EYS: variants seen among roughly 807,000 people sequenced by gnomAD.
The protein encoded by EYS is EGF-like photoreceptor maintenance factor.
Under a neutral mutation model 282.1 loss-of-function variants are expected in EYS, and 250 were observed. The observed-to-expected ratio is 0.89, with a 90% confidence interval of 0.80 to 0.98. The LOEUF (loss-of-function observed/expected upper bound fraction) is 0.98, where lower values mean the gene tolerates loss of function less well. Among genes scored for constraint, EYS ranks in the 50% least tolerant of loss-of-function variants. EYS has a pLI of 0.00. For synonymous variants in EYS, 1,355 were observed against 1,282.9 expected, an observed-to-expected ratio of 1.06 and a Z score of -1.20; for missense variants, 4,016 against 3,709.0, an observed-to-expected ratio of 1.08 and a Z score of -2.15.
At chr6:64,386,180 G>T (rs1772902716) in intron 29 of EYS, among the ~76,000 whole-genome samples, 1 of 152,154 alleles carries the variant, frequency 6.6e-6, no homozygotes, top group African/African-American at 2.4e-5. Flanking sequence ...AGGACTGATG[G>T]ATTAGTGGTG....
intron 31 of EYS, among the ~76,000 whole-genome samples, chr6:64,204,889 A>C (rs183559640): frequency 3.6e-4 from 55 of 152,192 alleles, no homozygotes; most frequent in Non-Finnish European, 7.4e-4. Context: ...CATAATATGC[A>C]CACTACAGTG....
At chr6:64,824,922 G>A (rs912014412) in intron 19 of EYS, among the ~76,000 whole-genome samples, 18 of 151,932 alleles carry the variant, frequency 1.2e-4, no homozygotes, top group Admixed American at 5.3e-4. Context: ...GATAAGAATG[G>A]AATAACTAGC....
chr6:65,187,159 A>G (rs2150237185), intron 12 of EYS, among the ~76,000 whole-genome samples: 1 of 151,854 alleles, frequency 6.6e-6, no homozygotes, highest in South Asian at 2.1e-4. Flanking sequence ...TATTCTAGGC[A>G]CACACAACAT....
At chr6:64,864,390 T>C (rs893252075) in intron 19 of EYS, among the ~76,000 whole-genome samples, 2 of 120,696 alleles carry the variant, frequency 1.7e-5, no homozygotes, top group African/African-American at 6.0e-5. Flanking sequence ...ACCTTCTTTT[T>C]TTTTTTTTTT....
rs1172998899 is a variant in EYS at position 64,638,763 on chromosome 6, T to C, written c.3444-12518A>G. Among the ~76,000 whole-genome samples, 2 of 90,794 alleles carry C rather than the reference T, an allele frequency of 2.2e-5. 1 individual carries two copies. Among genetic ancestry groups the C allele is most frequent in the African/African-American group, 8.6e-5 (2 of 23,374 alleles). 59.6% of individuals were successfully genotyped at this position (90,794 alleles called of 152,430 possible). A position where few individuals can be genotyped will look rare whatever the true frequency, so the allele number is the denominator to read the frequency against. ...TTCTCTGACTATCTTTTCCTCTGGG[T>C]TTTTTGAGGGTGTTAAGAACATGGT... On this transcript the variant is annotated intron_variant, in intron 22 of 42. Coordinates refer to ENST00000503581, the MANE Select transcript of EYS (RefSeq NM_001142800.2).
chr6:64,377,064 G>A (rs1363713144), intron 29 of EYS, among the ~76,000 whole-genome samples: 1 of 151,880 alleles, frequency 6.6e-6, no homozygotes. Context: ...GGCACATAGT[G>A]GATACTCTCT....
intron 28 of EYS, among the ~76,000 whole-genome samples, chr6:64,416,679 A>T (rs1774068336): frequency 6.6e-6 from 1 of 152,026 alleles, no homozygotes; most frequent in Admixed American, 6.6e-5. Flanking sequence ...GTTTAACTTT[A>T]TTTCTGCATT....
chr6:64,022,224 G>C (rs1215911446), intron 33 of EYS, among the ~76,000 whole-genome samples: 1 of 152,196 alleles, frequency 6.6e-6, no homozygotes, highest in East Asian at 1.9e-4. Context: ...CATATATAAA[G>C]GAGTTTGGAT....
At chr6:63,732,093 A>AGTTTG (rs1768796665) in intron 41 of EYS, among the ~76,000 whole-genome samples, 1 of 151,884 alleles carries the variant, frequency 6.6e-6, no homozygotes, top group Non-Finnish European at 1.5e-5. Context: ...TATTGCTGAT[A>AGTTTG]CTGGGTCAGT....
At chr6:65,253,306 C>T (rs1767374559) in intron 12 of EYS, among the ~76,000 whole-genome samples, 1 of 151,832 alleles carries the variant, frequency 6.6e-6, no homozygotes, top group African/African-American at 2.4e-5. Context: ...TTTTCTTATT[C>T]TTCTTCATTA....
intron 1 of EYS, among the ~76,000 whole-genome samples, chr6:65,693,404 C>CTTT (rs66464915): frequency 1.6e-5 from 2 of 125,278 alleles, no homozygotes; most frequent in African/African-American, 2.9e-5. Context: ...TTTTTCCTTT[C>CTTT]TTTTTTTTTT....
At chr6:65,158,072 G>A (rs572344880) in intron 12 of EYS, among the ~76,000 whole-genome samples, 1 of 150,600 alleles carries the variant, frequency 6.6e-6, no homozygotes, top group African/African-American at 2.4e-5. Flanking sequence ...AATCTATAGG[G>A]GTGGTAGATG....
intron 26 of EYS, among the ~76,000 whole-genome samples, chr6:64,441,972 G>T (rs75745437): frequency 0.039 from 5,900 of 152,246 alleles, 369 homozygotes; most frequent in African/African-American, 0.13. Context: ...AAAGATACCT[G>T]AAAATGTGGA....
intron 2 of EYS, among the ~76,000 whole-genome samples, chr6:65,626,905 AC>A (rs149937025): frequency 0.43 from 53,626 of 125,790 alleles, 11,929 homozygotes; most frequent in Non-Finnish European, 0.53. Flanking sequence ...TGTAAAAAAA[AC>A]ACACACACAC....
chr6:63,898,514 TAAATA>T (rs939378898), intron 35 of EYS, among the ~76,000 whole-genome samples: 1 of 151,348 alleles, frequency 6.6e-6, no homozygotes, highest in African/African-American at 2.4e-5. Flanking sequence ...TAAAAATAAA[TAAATA>T]AAATAAAAAA....
intron 26 of EYS, among the ~76,000 whole-genome samples, chr6:64,463,476 C>A (rs951661086): frequency 2.0e-5 from 3 of 152,148 alleles, no homozygotes; most frequent in African/African-American, 7.2e-5. Context: ...TCAGGCTGAT[C>A]CTTACATTCT....
chr6:64,113,435 G>A (rs1773274581), intron 31 of EYS, among the ~76,000 whole-genome samples: 1 of 152,126 alleles, frequency 6.6e-6, no homozygotes, highest in African/African-American at 2.4e-5. Context: ...ATTAGGTTGT[G>A]AGAATTAAAT....
chr6:63,811,016 C>G (rs189868434), intron 36 of EYS, among the ~76,000 whole-genome samples: 108 of 152,304 alleles, frequency 7.1e-4, no homozygotes, highest in Middle Eastern at 3.4e-3. Flanking sequence ...TTCATCCACC[C>G]CTTCTCATTT....
intron 41 of EYS, among the ~76,000 whole-genome samples, chr6:63,753,374 C>T (rs1312709173): frequency 1.3e-5 from 2 of 151,706 alleles, no homozygotes; most frequent in African/African-American, 4.8e-5. Context: ...TAATCATCAT[C>T]CAATTCAGAA....
Sources: gnomAD v4.1 joint callset for allele counts (sites outside exome capture counted in the v4.1 genomes callset) on GRCh38, gnomAD v4.1.1 for gene constraint, MANE v1.5 for transcripts, NCBI Gene and HGNC (gene_info 2026-07-23, HGNC 2026-07-21) for gene names.